RHBDD1: variants seen among roughly 807,000 people sequenced by gnomAD.
RHBDD1 encodes the protein rhomboid-related protein 4.
Under a neutral mutation model 36.3 loss-of-function variants are expected in RHBDD1, and 38 were observed. That is an observed-to-expected ratio of 1.05 (90% CI 0.81 to 1.37). The LOEUF (loss-of-function observed/expected upper bound fraction) is 1.37, where lower values mean the gene tolerates loss of function less well. Ranked by LOEUF, RHBDD1 falls within the 40% of genes most tolerant of loss-of-function variation. The pLI, the probability that RHBDD1 is intolerant of heterozygous loss-of-function variation, is 0.00. For missense variants in RHBDD1, 393 were observed against 377.6 expected (o/e 1.04, Z -0.34); for synonymous variants, 151 against 136.5 (o/e 1.11, Z -0.74).
intron 3 of RHBDD1, among the ~76,000 whole-genome samples, chr2:226,844,892 A>G (rs1942053595): frequency 1.3e-5 from 2 of 152,234 alleles, no homozygotes; most frequent in East Asian, 1.9e-4. Flanking sequence ...TTAAGATTAT[A>G]TACAAAATCT....
the RHBDD1 span, among the ~76,000 whole-genome samples, chr2:226,820,338 T>C: frequency 6.6e-6 from 1 of 152,064 alleles, no homozygotes; most frequent in East Asian, 1.9e-4. Context: ...TTTTGGCTTT[T>C]CTTTTAAGCA....
intron 8 of RHBDD1, among the ~76,000 whole-genome samples, chr2:226,951,121 A>T (rs1396855591): frequency 1.3e-5 from 2 of 152,114 alleles, no homozygotes; most frequent in East Asian, 3.9e-4. Context: ...TAAGTCTTAA[A>T]TCTATTTCAA....
chr2:226,843,866 C>T (rs1189788973), intron 3 of RHBDD1, among the ~76,000 whole-genome samples: 1 of 152,024 alleles, frequency 6.6e-6, no homozygotes, highest in Non-Finnish European at 1.5e-5. Flanking sequence ...TTCTTTGTAC[C>T]CTGGTAGATA....
chr2:226,828,460 G>C, the RHBDD1 span, among the ~76,000 whole-genome samples: 1 of 152,170 alleles, frequency 6.6e-6, no homozygotes, highest in East Asian at 1.9e-4. Context: ...GGGTTGTATA[G>C]TAAGTGTATG....
intron 2 of RHBDD1, 26 bp from the exon 3 acceptor site, chr2:226,839,383 A>G (rs1346270662): frequency 1.3e-5 from 2 of 152,202 alleles, no homozygotes; most frequent in African/African-American, 4.8e-5. Context: ...CACGTAAGCA[A>G]TGGACCTCAT....
chr2:226,961,924 C>A (rs1333410222), intron 8 of RHBDD1, among the ~76,000 whole-genome samples: 3 of 152,106 alleles, frequency 2.0e-5, no homozygotes, highest in Admixed American at 6.5e-5. Context: ...AGTAACTTGC[C>A]CACTTACTCA....
the RHBDD1 span, among the ~76,000 whole-genome samples, chr2:226,829,625 ATTG>A: frequency 3.3e-5 from 5 of 152,270 alleles, no homozygotes; most frequent in East Asian, 5.8e-4. Context: ...CTGGAATGAA[ATTG>A]TTTTCTCAAT....
chr2:226,864,731 T>C lies in RHBDD1; in HGVS notation c.38T>C (p.Ile13Thr), dbSNP rs140251328. Residue 13 changes from isoleucine to threonine, a missense_variant, in exon 4 of 9, where the codon ATT becomes ACT. Ile to Thr is a moderately conservative substitution (Grantham distance 89). Coordinates refer to ENST00000392062, the MANE Select transcript of RHBDD1 (RefSeq NM_001167608.3). ...TCAAGAGGGATAAATACTGGACTTA[T>C]TCTACTCCTTTCTCAAATCTTCCAT... ...RRSRGINTGLILLLSQIFHVG... is the reference protein window; with the variant it reads ...RRSRGINTGLTLLLSQIFHVG... The C allele has an allele frequency of 2.2e-5, 36 of 1,614,066 alleles. No individual in the cohort carries two copies. The highest frequency in any genetic ancestry group is 3.0e-5 in the Non-Finnish European group (35 of 1,180,012).
chr2:226,875,699 G>T (rs1945174702), intron 5 of RHBDD1, among the ~76,000 whole-genome samples: 1 of 150,812 alleles, frequency 6.6e-6, no homozygotes. Context: ...ACTGCTCTTT[G>T]TTTTGAAAGG....
chr2:226,845,916 A>G (rs1395706288), intron 3 of RHBDD1, among the ~76,000 whole-genome samples: 9 of 152,242 alleles, frequency 5.9e-5, no homozygotes, highest in Non-Finnish European at 2.9e-5. Context: ...GTAATTGACC[A>G]GAAGTTTAGA....
intron 5 of RHBDD1, among the ~76,000 whole-genome samples, chr2:226,877,497 G>A (rs1347904957): frequency 6.8e-6 from 1 of 147,436 alleles, no homozygotes; most frequent in Non-Finnish European, 1.5e-5. Context: ...AAATTCATTA[G>A]TTGTTTTCCT....
the RHBDD1 span, among the ~76,000 whole-genome samples, chr2:226,820,380 T>A: frequency 2.0e-5 from 3 of 152,164 alleles, no homozygotes; most frequent in African/African-American, 7.2e-5. Context: ...GAAAGTGAAT[T>A]TCTTTTCCAT....
chr2:226,953,097 C>T (rs1381932598), intron 8 of RHBDD1, among the ~76,000 whole-genome samples: 1 of 152,042 alleles, frequency 6.6e-6, no homozygotes, highest in Non-Finnish European at 1.5e-5. Flanking sequence ...TTTGTGTATT[C>T]TTTAGGCTTG....
rs1215396907 is a variant in RHBDD1, at chr2:226,839,574, A to G, written c.-144A>G. On this transcript the variant is annotated 5_prime_UTR_variant, in exon 3 of 9. The change creates a new upstream start codon in the 5' untranslated region. Transcript: ENST00000392062. ...TGGACGTGAAACTCTGTGGTGGAAT[A>G]GAAATCCTCAGGGCATGAGCTATAC... 1 of 152,208 alleles carries G rather than the reference A, an allele frequency of 6.6e-6. No homozygotes were observed. The highest frequency in any genetic ancestry group is 6.5e-5 in the Admixed American group (1 of 15,286). The allele number at this position is 152,208 out of a possible 1,614,324, so 9.4% of individuals were successfully genotyped here.
chr2:226,936,906 T>C (rs991615924), intron 8 of RHBDD1, among the ~76,000 whole-genome samples: 1 of 152,096 alleles, frequency 6.6e-6, no homozygotes, highest in Non-Finnish European at 1.5e-5. Context: ...ATATTAGATT[T>C]AGGAAAGAGA....
chr2:226,989,335 GA>G (rs1211915551), intron 8 of RHBDD1, among the ~76,000 whole-genome samples: 2 of 152,152 alleles, frequency 1.3e-5, no homozygotes, highest in African/African-American at 4.8e-5. Context: ...AAAAATAGGG[GA>G]AAAATCTATA....
At chr2:226,817,509 T>G in the RHBDD1 span, among the ~76,000 whole-genome samples, 1 of 152,172 alleles carries the variant, frequency 6.6e-6, no homozygotes, top group African/African-American at 2.4e-5. Context: ...AACCATAAAC[T>G]GGAAGCTAAT....
At chr2:226,811,876 G>A in the RHBDD1 span, among the ~76,000 whole-genome samples, 2 of 152,120 alleles carry the variant, frequency 1.3e-5, no homozygotes, top group East Asian at 1.9e-4. Context: ...ACAGTCATAG[G>A]GTTCACCAAT....
chr2:226,882,296 G>A (rs2125404383), intron 5 of RHBDD1, among the ~76,000 whole-genome samples: 1 of 151,976 alleles, frequency 6.6e-6, no homozygotes, highest in African/African-American at 2.4e-5. Context: ...TGGGCTTGGT[G>A]GCAGGCACCT....
Sources: allele counts gnomAD v4.1 joint callset (sites outside exome capture counted in the v4.1 genomes callset), GRCh38; gene constraint gnomAD v4.1.1; transcripts MANE v1.5; gene names NCBI Gene and HGNC (gene_info 2026-07-23, HGNC 2026-07-21).